The following DPYSL4 variants were observed in gnomAD, a reference collection of about 807,000 sequenced individuals.
DPYSL4 encodes dihydropyrimidinase like 4.
In DPYSL4, 43 loss-of-function variants were observed where a neutral mutation model predicts 63.4. The observed-to-expected ratio is 0.68, with a 90% CI of 0.53 to 0.88. The LOEUF (loss-of-function observed/expected upper bound fraction) is 0.88. DPYSL4 is among the 40% of genes least tolerant of loss of function. DPYSL4 has a pLI of 0.00. For synonymous variants in DPYSL4, 353 were observed against 331.7 expected (o/e 1.06, Z -0.70); for missense variants, 733 against 819.5 (o/e 0.89, Z 1.29).
intron 3 of DPYSL4, among the ~76,000 whole-genome samples, chr10:132,194,572 G>A (rs967164160): frequency 5.3e-5 from 8 of 151,912 alleles, no homozygotes; most frequent in African/African-American, 1.9e-4. Context: ...TGGGAGTAGG[G>A]ATGGTTTGGG....
chr10:132,190,697 T>A, intron 1 of DPYSL4, 50 bp from the exon 2 acceptor site: 1 of 1,521,134 alleles, frequency 6.6e-7, no homozygotes, highest in South Asian at 1.1e-5. Flanking sequence ...CCAAGAGTGT[T>A]ACTGAGTAAC....
At position 132,197,123 on chromosome 10, in the gene DPYSL4, G is replaced by A. The variant is rs571990698; in HGVS notation, c.621+22G>A. On this transcript the variant is annotated intron_variant, in intron 6 of 13. Transcript: ENST00000338492. ...GGAGGTGCCGTGGGGCAGGGCTGCC[G>A]TGGGGCAGGCACAGGGGCTGCCGTG... 36 of 1,478,008 alleles carry A rather than the reference G, an allele frequency of 2.4e-5. No individual in the cohort carries two copies. The South Asian group carries it at 2.6e-4, about 11-fold the overall frequency. 91.6% of individuals were successfully genotyped at this position (1,478,008 alleles called of 1,614,324 possible).
At chr10:132,196,745 A>C in intron 4 of DPYSL4, 116 bp from the exon 5 acceptor site, 3 of 1,164,576 alleles carry the variant, frequency 2.6e-6, no homozygotes, top group Non-Finnish European at 3.8e-6. Flanking sequence ...CAGTGAGGGA[A>C]GCACTGCGGG....
chr10:132,201,997 G>A lies in DPYSL4; in HGVS notation c.1162G>A (p.Ala388Thr), dbSNP rs769587715. ...GTTCGTCGCGGTGACCAGTACAAATGCTGCCAAAATCTTCAATTTTTACCC... is the reference window on the plus strand; with the variant it reads ...GTTCGTCGCGGTGACCAGTACAAATACTGCCAAAATCTTCAATTTTTACCC... ...NEFVAVTSTN[A>T]AKIFNFYPRK... Residue 388 changes from alanine (A) to threonine (T), a missense_variant, in exon 11 of 14, where the codon GCT becomes ACT. Physicochemically the swap from Ala to Thr is moderately conservative, Grantham distance 58. Coordinates refer to ENST00000338492, the MANE Select transcript of DPYSL4 (RefSeq NM_006426.3). The A allele has an allele frequency of 1.9e-6, 3 of 1,613,378 alleles. No individual in the cohort carries two copies. The highest frequency in any genetic ancestry group is 1.7e-5 in the Admixed American group (1 of 60,020).
rs775031204 is a variant in DPYSL4, at chr10:132,198,501, C to G, written c.690+18C>G. The stretch of plus-strand genomic sequence containing the variant: ...CCGAGGAGGTAAGATCCCAGGGCAC[C>G]ACAGCACACCCGAGCCAACTCCGCC... On this transcript the variant is annotated intron_variant, in intron 7 of 13. Transcript: ENST00000338492. 11 of 1,590,242 alleles carry G rather than the reference C, an allele frequency of 6.9e-6. No homozygotes were observed. The highest frequency in any genetic ancestry group is 9.4e-6 in the Non-Finnish European group (11 of 1,172,344).
chr10:132,192,768 T>C lies in DPYSL4; in HGVS notation c.239T>C (p.Val80Ala). Residue 80 changes from valine (V) to alanine (A), a missense_variant, in exon 3 of 14, where the codon GTC becomes GCC. Coordinates refer to ENST00000338492, the MANE Select transcript of DPYSL4 (RefSeq NM_006426.3). ...VDVHTRLQMP[V>A]LGMTPADDFC... ...GTCCACACAAGGCTGCAGATGCCTG[T>C]CCTGGGCATGACACCGGCTGACGAC... 6.2e-7 allele frequency: 1 copy of C among 1,613,298 alleles called. No homozygotes were observed. The highest frequency in any genetic ancestry group is 8.5e-7 in the Non-Finnish European group (1 of 1,179,970).
Position 132,201,931 on chromosome 10 carries a change from C to A in DPYSL4, c.1111-15C>A. On this transcript the variant is annotated splice_polypyrimidine_tract_variant and intron_variant, in intron 10 of 13. Coordinates refer to ENST00000338492, the MANE Select transcript of DPYSL4 (RefSeq NM_006426.3). ...CCCCACCCGTCGCCCTCAGCTCAGC[C>A]TTCTTGTTCCCCAGGCCTCTGGGAA... 2 of 1,606,856 alleles carry A rather than the reference C, an allele frequency of 1.2e-6. No homozygotes were observed. Among genetic ancestry groups the A allele is most frequent in the Non-Finnish European group, 1.7e-6 (2 of 1,175,688 alleles).
chr10:132,187,227 T>TCCTGGCGCCCGC, intron 1 of DPYSL4, 125 bp downstream of exon 1: 1 of 611,894 alleles, frequency 1.6e-6, no homozygotes, highest in Non-Finnish European at 2.7e-6. Flanking sequence ...CTGGTCCCTG[T>TCCTGGCGCCCGC]CCTGGCGCCC....
At chr10:132,201,907 C>G (rs772660439) in intron 10 of DPYSL4, 39 bp from the exon 11 acceptor site, 3 of 1,587,062 alleles carry the variant, frequency 1.9e-6, no homozygotes, top group African/African-American at 2.7e-5. Flanking sequence ...TCACCCCAAC[C>G]CCACCCGTCG....
chr10:132,194,082 AGGCTGGCCTCT>A (rs139355606), intron 3 of DPYSL4, among the ~76,000 whole-genome samples: 3,007 of 152,364 alleles, frequency 0.02, 108 homozygotes, highest in South Asian at 0.13. Context: ...CACAGACACG[AGGCTGGCCTCT>A]ATCCTGCCTC....
intron 7 of DPYSL4, 93 bp from the exon 8 acceptor site, chr10:132,198,758 T>C: frequency 6.5e-7 from 1 of 1,547,108 alleles, no homozygotes; most frequent in Non-Finnish European, 8.8e-7. Flanking sequence ...GAGCCTGGGA[T>C]CCCATGGGTG....
rs1221363280 is a variant in DPYSL4 at position 132,205,734 on chromosome 10, G to C, written c.*804G>C. 1 of 151,194 alleles carries C rather than the reference G, an allele frequency of 6.6e-6. No individual in the cohort carries two copies. Among genetic ancestry groups the C allele is most frequent in the East Asian group, 2.0e-4 (1 of 5,106 alleles). The allele number at this position is 151,194 out of a possible 1,614,324, so 9.4% of individuals were successfully genotyped here. On this transcript the variant is annotated 3_prime_UTR_variant, in exon 14 of 14. Coordinates refer to ENST00000338492, the MANE Select transcript of DPYSL4 (RefSeq NM_006426.3). ...TCATCCTGCCTCTGATGTGAATCAG[G>C]CCCATTAAAGACGTCTGGGTTTGAA...
chr10:132,198,772 C>G, intron 7 of DPYSL4, 79 bp from the exon 8 acceptor site: 2 of 1,568,016 alleles, frequency 1.3e-6, no homozygotes, highest in Non-Finnish European at 1.7e-6. Flanking sequence ...ATGGGTGACA[C>G]CTGGGCATCC....
chr10:132,192,621 G>A (rs774341814), intron 2 of DPYSL4, 37 bp from the exon 3 acceptor site: 2 of 1,560,314 alleles, frequency 1.3e-6, no homozygotes, highest in South Asian at 1.2e-5. Context: ...CTCTGACCTG[G>A]GCTCCCTGTA....
At position 132,203,881 on chromosome 10, in the gene DPYSL4, C is replaced by T. The variant is rs779450915; in HGVS notation, c.1581C>T (p.Ser527=). 29 of 1,612,640 alleles carry T rather than the reference C, an allele frequency of 1.8e-5. 1 individual carries two copies. Among genetic ancestry groups the T allele is most frequent in the Admixed American group, 8.3e-5 (5 of 59,996 alleles). The change falls in exon 13 of 14, where the codon TCC becomes TCT. Residue 527 remains serine, a synonymous_variant. Coordinates refer to ENST00000338492, the MANE Select transcript of DPYSL4 (RefSeq NM_006426.3). ...PARASCPGKI[S]VPPVRNLHQS... ...GCGCGTCCTGCCCAGGCAAGATCTC[C>T]GTCCCTCCTGTGCGCAACCTACATC...
intron 2 of DPYSL4, 114 bp from the exon 3 acceptor site, chr10:132,192,544 T>C: frequency 6.9e-7 from 1 of 1,453,694 alleles, no homozygotes; most frequent in Non-Finnish European, 9.0e-7. Context: ...CGTGCTGGCC[T>C]TTTCCTCGGG....
At position 132,187,106 on chromosome 10, in the gene DPYSL4, A is replaced by AGCCCGGTCCCGCTTCGCCCGGC; in HGVS notation, c.39+9_39+30dup. 2 of 1,474,222 alleles carry AGCCCGGTCCCGCTTCGCCCGGC rather than the reference A, an allele frequency of 1.4e-6. No homozygotes were observed. The highest frequency in any genetic ancestry group is 1.8e-6 in the Non-Finnish European group (2 of 1,097,302). 91.3% of individuals were successfully genotyped at this position (1,474,222 alleles called of 1,614,324 possible). A position where few individuals can be genotyped will look rare whatever the true frequency, so the allele number is the denominator to read the frequency against. On this transcript the variant is annotated splice_donor_region_variant and intron_variant, in intron 1 of 13. Transcript: ENST00000338492. ...GAAAAGCATCCCCCGGATCACGGTG[A>AGCCCGGTCCCGCTTCGCCCGGC]GCCCGGTCCCGCTTCGCCCGGCGCC...
rs201422397 is a variant in DPYSL4 at position 132,200,966 on chromosome 10, G to A, written c.1093G>A (p.Val365Ile). The change falls in exon 10 of 14, where the codon GTC becomes ATC. Residue 365 changes from valine to isoleucine, a missense_variant. Transcript: ENST00000338492. ...CGGCATTGAGGAGCGCATGTCGATGGTCTGGGAGAAATGTGTGGTGAGCAC... is the reference window on the plus strand; with the variant it reads ...CGGCATTGAGGAGCGCATGTCGATGATCTGGGAGAAATGTGTGGTGAGCAC... ...TNGIEERMSM[V>I]WEKCVASGKM... 10 of 1,613,058 alleles carry A rather than the reference G, an allele frequency of 6.2e-6. No homozygotes were observed. The highest frequency in any genetic ancestry group is 7.6e-6 in the Non-Finnish European group (9 of 1,179,946).
Position 132,205,470 on chromosome 10 carries a change from G to A in DPYSL4, c.*540G>A, listed in dbSNP as rs1203894504. On this transcript the variant is annotated 3_prime_UTR_variant, in exon 14 of 14. Coordinates refer to ENST00000338492, the MANE Select transcript of DPYSL4 (RefSeq NM_006426.3). ...CTCACACAGCTGCTGAGACTTCAGG[G>A]ACCCATCAGAACTTGGTGCAGCACA... is the stretch of plus-strand genomic sequence containing the variant. 3 of 153,078 alleles carry A rather than the reference G, an allele frequency of 2.0e-5. No homozygotes were observed. Among genetic ancestry groups the A allele is most frequent in the African/African-American group, 7.2e-5 (3 of 41,588 alleles). The allele number at this position is 153,078 out of a possible 1,614,324, so 9.5% of individuals were successfully genotyped here. A position where few individuals can be genotyped will look rare whatever the true frequency, so the allele number is the denominator to read the frequency against.
Sources: gnomAD v4.1 joint callset for allele counts (sites outside exome capture counted in the v4.1 genomes callset) on GRCh38, gnomAD v4.1.1 for gene constraint, MANE v1.5 for transcripts, NCBI Gene and HGNC (gene_info 2026-07-23, HGNC 2026-07-21) for gene names.